TAB2: variants seen among roughly 807,000 people sequenced by gnomAD.
The protein encoded by TAB2 is TGF-beta-activated kinase 1 and MAP3K7-binding protein 2.
In TAB2, 3 loss-of-function variants were observed where a neutral mutation model predicts 65.0. That is an observed-to-expected ratio of 0.05 (90% confidence interval 0.02 to 0.12). The LOEUF is 0.12. TAB2 is among the 10% of genes least tolerant of loss of function. The pLI is 1.00. For missense variants in TAB2, 623 were observed against 840.3 expected (o/e 0.74, Z 3.20); for synonymous variants, 298 against 285.1 (o/e 1.05, Z -0.46).
chr6:149,356,306 T>C (rs1780651982), intron 1 of TAB2, among the ~76,000 whole-genome samples: 2 of 152,326 alleles, frequency 1.3e-5, no homozygotes, highest in Non-Finnish European at 2.9e-5. Context: ...AAAGTGAGAC[T>C]CAACTTCATT....
intron 1 of TAB2, among the ~76,000 whole-genome samples, chr6:149,283,720 A>G (rs1778617755): frequency 6.6e-6 from 1 of 152,154 alleles, no homozygotes; most frequent in South Asian, 2.1e-4. Flanking sequence ...AAAAAACAAA[A>G]CAAACAAACA....
chr6:149,408,777 G>A (rs1782747928), intron 6 of TAB2, among the ~76,000 whole-genome samples: 1 of 152,094 alleles, frequency 6.6e-6, no homozygotes, highest in Non-Finnish European at 1.5e-5. Flanking sequence ...ATTATTCTCT[G>A]TATTTAAGAT....
chr6:149,321,836 T>A (rs1779465018), intron 1 of TAB2, among the ~76,000 whole-genome samples: 1 of 152,208 alleles, frequency 6.6e-6, no homozygotes, highest in Non-Finnish European at 1.5e-5. Context: ...TTGATTAAAG[T>A]TTTGGCACTT....
chr6:149,357,437 AC>A (rs1780700445), intron 1 of TAB2, among the ~76,000 whole-genome samples: 1 of 138,972 alleles, frequency 7.2e-6, no homozygotes, highest in Non-Finnish European at 1.6e-5. Flanking sequence ...AAAAACACAC[AC>A]ACACACACAC....
chr6:149,370,143 A>AT, intron 2 of TAB2, 44 bp downstream of exon 2: 2 of 1,515,572 alleles, frequency 1.3e-6, no homozygotes, highest in Non-Finnish European at 9.1e-7. Context: ...CAAACCTGGT[A>AT]TTTTTTTAAA....
chr6:149,360,321 G>T (rs1465399025), intron 1 of TAB2, among the ~76,000 whole-genome samples: 1 of 152,190 alleles, frequency 6.6e-6, no homozygotes, highest in Non-Finnish European at 1.5e-5. Context: ...TGTACAGGAA[G>T]TATGTTGCCA....
chr6:149,305,162 G>T (rs1187527548), intron 1 of TAB2, among the ~76,000 whole-genome samples: 1 of 152,076 alleles, frequency 6.6e-6, no homozygotes, highest in African/African-American at 2.4e-5. Flanking sequence ...ACTGTACTGC[G>T]GTCTTTCCAA....
At chr6:149,311,428 G>A (rs1053059380) in intron 1 of TAB2, among the ~76,000 whole-genome samples, 9 of 152,112 alleles carry the variant, frequency 5.9e-5, no homozygotes, top group South Asian at 2.1e-4. Context: ...CTGTCTACCC[G>A]TTTTATTATT....
intron 1 of TAB2, among the ~76,000 whole-genome samples, chr6:149,355,192 A>G (rs1197361822): frequency 6.6e-6 from 1 of 152,222 alleles, no homozygotes; most frequent in African/African-American, 2.4e-5. Flanking sequence ...AAAATTATTT[A>G]CATGATAATG....
At chr6:149,274,827 G>A (rs1381336604) in intron 1 of TAB2, among the ~76,000 whole-genome samples, 1 of 152,136 alleles carries the variant, frequency 6.6e-6, no homozygotes, top group Non-Finnish European at 1.5e-5. Flanking sequence ...GTGGCACAAG[G>A]TCATAGAGCA....
chr6:149,389,703 G>A lies in TAB2; in HGVS notation c.1604-7901G>A, dbSNP rs541176461. Among the ~76,000 whole-genome samples, 263 of 150,098 alleles carry A rather than the reference G, an allele frequency of 1.8e-3. 2 individuals are homozygous for A. The highest frequency in any genetic ancestry group is 5.9e-3 in the African/African-American group (243 of 40,940). ...TCTAAGCCATAATCACTCCCACGTCGCATAATGACTCATCCAAGTTATATT... is the reference window on the plus strand; with the variant it reads ...TCTAAGCCATAATCACTCCCACGTCACATAATGACTCATCCAAGTTATATT... On this transcript the variant is annotated intron_variant, in intron 3 of 6. Transcript: ENST00000637181.
intron 5 of TAB2, 143 bp downstream of exon 5, chr6:149,398,205 A>G: frequency 4.2e-6 from 3 of 718,346 alleles, no homozygotes; most frequent in Non-Finnish European, 7.2e-6. Flanking sequence ...TTAAGAATAT[A>G]TTTAAAAAGT....
intron 1 of TAB2, among the ~76,000 whole-genome samples, chr6:149,350,863 T>C (rs956400536): frequency 6.6e-6 from 1 of 152,174 alleles, no homozygotes; most frequent in Non-Finnish European, 1.5e-5. Flanking sequence ...TGTATATATA[T>C]AGTTTGACAT....
At chr6:149,222,557 G>A (rs912790816) in intron 1 of TAB2, among the ~76,000 whole-genome samples, 5 of 150,734 alleles carry the variant, frequency 3.3e-5, no homozygotes, top group African/African-American at 4.9e-5. Context: ...GGCGGAGGTT[G>A]CACTGAACTG....
chr6:149,359,395 G>T (rs1263686238), intron 1 of TAB2, among the ~76,000 whole-genome samples: 1 of 152,078 alleles, frequency 6.6e-6, no homozygotes, highest in African/African-American at 2.4e-5. Context: ...CCACACCTGT[G>T]CATGGTGCGG....
chr6:149,297,669 G>T (rs1778900939), intron 1 of TAB2, among the ~76,000 whole-genome samples: 1 of 151,894 alleles, frequency 6.6e-6, no homozygotes, highest in Non-Finnish European at 1.5e-5. Context: ...GGACTATAGG[G>T]GTATGCCACT....
At chr6:149,317,405 GGCCGCAGCCGCA>G (rs1009560536), upstream of TAB2, 5 of 116,584 alleles carry the variant, frequency 4.3e-5, no homozygotes, top group African/African-American at 1.2e-4. This position sits in a 1 kb window ranked among gnomAD's most constrained non-coding sequence, Gnocchi z 4.7. Flanking sequence ...AGCATCCCCG[GGCCGCAGCCGCA>G]GCCGCCGCCG....
chr6:149,321,678 A>C (rs140979784), intron 1 of TAB2, among the ~76,000 whole-genome samples: 89 of 152,258 alleles, frequency 5.8e-4, no homozygotes, highest in Middle Eastern at 6.8e-3. Context: ...CATTTTACAG[A>C]ATATGTTTAC....
Position 149,397,781 on chromosome 6 carries a change from C to T in TAB2, c.1764+17C>T. 6.2e-7 allele frequency: 1 copy of T among 1,611,948 alleles called. No homozygotes were observed. Among genetic ancestry groups the T allele is most frequent in the Non-Finnish European group, 8.5e-7 (1 of 1,179,826 alleles). ...ATACCTTCCGTAAGTCTTTATGTAA[C>T]TGTTGTGATCTCTGCTTGAACATGA... On this transcript the variant is annotated intron_variant, in intron 4 of 6. Transcript: ENST00000637181.
Sources: allele counts gnomAD v4.1 joint callset (sites outside exome capture counted in the v4.1 genomes callset), GRCh38; gene constraint gnomAD v4.1.1; non-coding constraint Gnocchi (gnomAD v3.1); transcripts MANE v1.5; gene names NCBI Gene and HGNC (gene_info 2026-07-23, HGNC 2026-07-21).